The following ACOXL variants were observed in gnomAD, a reference collection of about 807,000 sequenced individuals.
ACOXL encodes the protein acyl-coenzyme A oxidase-like protein.
Under a neutral mutation model 71.9 loss-of-function variants are expected in ACOXL, and 70 were observed. The observed-to-expected ratio is 0.97, with a 90% CI of 0.80 to 1.19. The LOEUF (loss-of-function observed/expected upper bound fraction) is 1.19. Among genes scored for constraint, ACOXL ranks in the 50% most tolerant of loss-of-function variants. ACOXL has a pLI of 0.00. For synonymous variants in ACOXL, 253 were observed against 281.6 expected (o/e 0.90, Z 1.02); for missense variants, 703 against 736.3 (o/e 0.95, Z 0.52).
chr2:110,754,943 C>G (rs997221733), intron 1 of ACOXL, among the ~76,000 whole-genome samples: 1 of 152,196 alleles, frequency 6.6e-6, no homozygotes, highest in South Asian at 2.1e-4. Context: ...CTACCTCCAG[C>G]GAATGAGGGG....
intron 11 of ACOXL, among the ~76,000 whole-genome samples, chr2:110,915,212 T>C (rs1363778089): frequency 6.6e-6 from 1 of 151,792 alleles, no homozygotes; most frequent in African/African-American, 2.4e-5. Flanking sequence ...TTTGACACAA[T>C]TTTTCTTTCT....
In ACOXL at chr2:111,018,178, CTCTG is replaced by C. The variant is rs566848183; in HGVS notation, c.1282-13444_1282-13441del. 5.1e-4 allele frequency: 77 copies of C among 152,450 alleles called. No homozygotes were observed. The Middle Eastern group carries it at 0.012, about 24-fold the overall frequency. 9.4% of individuals were successfully genotyped at this position (152,450 alleles called of 1,614,324 possible). ...GATGACAGTTCCTGTCCCCGAGGAA[CTCTG>C]TCTGGGAGGGAAGGATGGCAGGGGA... On this transcript the variant is annotated intron_variant, in intron 14 of 17. Transcript: ENST00000439055.
chr2:110,950,702 C>T (rs1328769934), intron 12 of ACOXL, among the ~76,000 whole-genome samples: 1 of 151,884 alleles, frequency 6.6e-6, no homozygotes, highest in East Asian at 1.9e-4. Context: ...AATTTGTGAT[C>T]ATCTTACATC....
chr2:110,913,241 TCTACTC>T (rs2059710421), intron 11 of ACOXL, among the ~76,000 whole-genome samples: 1 of 152,162 alleles, frequency 6.6e-6, no homozygotes, highest in Non-Finnish European at 1.5e-5. Flanking sequence ...TCTCAGCGCT[TCTACTC>T]CTAGGTATAT....
chr2:110,865,653 A>C (rs12476335), intron 10 of ACOXL, among the ~76,000 whole-genome samples: 45,126 of 152,090 alleles, frequency 0.3, 7,168 homozygotes, highest in Non-Finnish European at 0.35. Flanking sequence ...CTCAGAGCCC[A>C]CCTTGTCCCC....
intron 12 of ACOXL, among the ~76,000 whole-genome samples, chr2:110,975,184 G>T (rs892571191): frequency 6.6e-6 from 1 of 152,104 alleles, no homozygotes; most frequent in Non-Finnish European, 1.5e-5. Context: ...GACTCCCGAG[G>T]GTATTTTCCT....
chr2:110,909,488 T>C (rs746310039), intron 11 of ACOXL, among the ~76,000 whole-genome samples: 2 of 152,092 alleles, frequency 1.3e-5, no homozygotes, highest in Non-Finnish European at 2.9e-5. Flanking sequence ...ATTATAAAGA[T>C]AAGAAACTTA....
chr2:110,896,401 A>G (rs1195117267), intron 10 of ACOXL, among the ~76,000 whole-genome samples: 1 of 152,192 alleles, frequency 6.6e-6, no homozygotes, highest in Non-Finnish European at 1.5e-5. Context: ...TTAAATGTAA[A>G]TGGTCAAATA....
At chr2:111,099,708 A>C (rs2069014992) in intron 17 of ACOXL, 1 of 152,214 alleles carries the variant, frequency 6.6e-6, no homozygotes, top group Non-Finnish European at 1.5e-5. Context: ...TGGAAAATTT[A>C]GTGTCCAGGC....
intron 15 of ACOXL, among the ~76,000 whole-genome samples, chr2:111,032,067 G>A (rs977949003): frequency 5.9e-5 from 9 of 152,164 alleles, no homozygotes; most frequent in East Asian, 1.9e-4. Context: ...GTTCCTAAAC[G>A]GGAGGGTGTG....
At chr2:110,817,074 A>G (rs1025891780) in intron 9 of ACOXL, among the ~76,000 whole-genome samples, 2 of 152,236 alleles carry the variant, frequency 1.3e-5, no homozygotes, top group African/African-American at 4.8e-5. Flanking sequence ...AGTGCGAGGC[A>G]CACAGGGGGC....
At chr2:110,966,868 T>G (rs761101882) in intron 12 of ACOXL, among the ~76,000 whole-genome samples, 6 of 152,214 alleles carry the variant, frequency 3.9e-5, no homozygotes, top group Non-Finnish European at 8.8e-5. Context: ...GCATCAGCAC[T>G]CCTTTTCCTC....
chr2:110,960,272 G>A (rs947378026), intron 12 of ACOXL, among the ~76,000 whole-genome samples: 4 of 152,128 alleles, frequency 2.6e-5, no homozygotes, highest in Admixed American at 1.3e-4. Context: ...TTTTTCATCC[G>A]GAAAACTGGA....
intron 11 of ACOXL, among the ~76,000 whole-genome samples, chr2:110,924,456 A>G (rs1383644275): frequency 1.3e-5 from 2 of 152,210 alleles, no homozygotes; most frequent in African/African-American, 2.4e-5. Flanking sequence ...CTGCTGCCCT[A>G]TCAACTAAGT....
intron 10 of ACOXL, among the ~76,000 whole-genome samples, chr2:110,899,888 G>A (rs1274027718): frequency 1.3e-5 from 2 of 152,184 alleles, no homozygotes; most frequent in African/African-American, 4.8e-5. Flanking sequence ...TCTAGGGTCG[G>A]CTGATTGACT....
At chr2:110,887,365 C>T (rs1202582641) in intron 10 of ACOXL, 1 of 152,966 alleles carries the variant, frequency 6.5e-6, no homozygotes, top group African/African-American at 2.4e-5. Flanking sequence ...CTAGTGGCCA[C>T]CTCTCACGGA....
At chr2:111,056,104 G>T (rs888803750) in intron 16 of ACOXL, among the ~76,000 whole-genome samples, 1 of 151,922 alleles carries the variant, frequency 6.6e-6, no homozygotes, top group Non-Finnish European at 1.5e-5. Context: ...GGAGGCTAAG[G>T]CAGGAGCATT....
At chr2:111,036,159 T>G (rs2065501101) in intron 15 of ACOXL, among the ~76,000 whole-genome samples, 2 of 152,144 alleles carry the variant, frequency 1.3e-5, no homozygotes, top group African/African-American at 4.8e-5. Flanking sequence ...TTCTGCAGTG[T>G]TTTTCTGTTA....
chr2:110,809,166 A>G (rs1378649648), intron 9 of ACOXL, among the ~76,000 whole-genome samples: 1 of 152,230 alleles, frequency 6.6e-6, no homozygotes, highest in Non-Finnish European at 1.5e-5. Flanking sequence ...TCTGTCCAGA[A>G]CCAGGAGTCT....
Sources: gnomAD v4.1 joint callset for allele counts (sites outside exome capture counted in the v4.1 genomes callset) on GRCh38, gnomAD v4.1.1 for gene constraint, MANE v1.5 for transcripts, NCBI Gene and HGNC (gene_info 2026-07-23, HGNC 2026-07-21) for gene names.